ACSL6: variants seen among roughly 807,000 people sequenced by gnomAD.
ACSL6 encodes the protein acyl-CoA synthetase long chain family member 6, also known as long-chain-fatty-acid--CoA ligase 6.
A neutral mutation model predicts 98.2 loss-of-function variants in ACSL6; 47 were observed. That is an observed-to-expected ratio of 0.48 (90% CI 0.38 to 0.61). The LOEUF (loss-of-function observed/expected upper bound fraction) is 0.61, where lower values mean the gene tolerates loss of function less well. ACSL6 is among the 20% of genes least tolerant of loss of function. The probability of loss-of-function intolerance (pLI) is 0.00; values close to 1 mark genes in which losing one functional copy is unlikely to be tolerated. For missense variants in ACSL6, 761 were observed against 913.4 expected, an observed-to-expected ratio of 0.83 and a Z score of 2.15; for synonymous variants, 362 against 336.9, an observed-to-expected ratio of 1.07 and a Z score of -0.82.
intron 20 of ACSL6, 57 bp downstream of exon 20, chr5:131,959,474 GTTAAT>G: frequency 6.5e-7 from 1 of 1,549,932 alleles, no homozygotes; most frequent in Non-Finnish European, 8.9e-7. Context: ...GTCACCATGG[GTTAAT>G]TTAATTTTCA....
At position 131,990,157 on chromosome 5, in the gene ACSL6, C is replaced by A. The variant is rs757598473; in HGVS notation, c.393G>T (p.Gly131=). 1 of 1,613,958 alleles carries A rather than the reference C, an allele frequency of 6.2e-7. No homozygotes were observed. Among genetic ancestry groups the A allele is most frequent in the Non-Finnish European group, 8.5e-7 (1 of 1,179,928 alleles). ...TAGGCTTCCTGAAACCAAGACAGGG[C>A]CCATTCCCTGTAGAGAGATAAGAAA... ...FRRGLSISGN[G]PCLGFRKPKQ... The change falls in exon 4 of 21, where the codon GGG becomes GGT. Residue 131 remains glycine, a synonymous_variant. Coordinates refer to ENST00000651883, the MANE Select transcript of ACSL6 (RefSeq NM_001009185.3).
At chr5:131,974,683 A>T in intron 11 of ACSL6, 1 of 1,519,010 alleles carries the variant, frequency 6.6e-7, no homozygotes. Context: ...ACTTCATGCC[A>T]CCAGTGACAA....
In ACSL6 at chr5:131,969,669, T is replaced by C. The variant is rs151109953; in HGVS notation, c.1507+459A>G. ...CAGGCTATGAATTGGACCTGACGTG[T>C]AAAGGAGAGGCAGGTTCATAGGGGC... On this transcript the variant is annotated intron_variant, in intron 15 of 20. Transcript: ENST00000651883. Among the ~76,000 whole-genome samples the C allele has an allele frequency of 1.4e-3, 217 of 152,304 alleles. 1 individual carries two copies. Among genetic ancestry groups the C allele is most frequent in the African/African-American group, 5.1e-3 (210 of 41,556 alleles).
intron 17 of ACSL6, 134 bp from the exon 18 acceptor site, chr5:131,962,812 T>G: frequency 9.6e-7 from 1 of 1,039,672 alleles, no homozygotes; most frequent in South Asian, 1.6e-5. Flanking sequence ...CTGTTGTGTC[T>G]GCTCTTAGGG....
At chr5:131,993,759 A>G (rs1331934191) in intron 2 of ACSL6, 7 of 460,922 alleles carry the variant, frequency 1.5e-5, no homozygotes, top group Non-Finnish European at 2.8e-5. Flanking sequence ...CCAATGAGCC[A>G]AGGCCCTCCT....
At position 131,986,834 on chromosome 5, in the gene ACSL6, G is replaced by A; in HGVS notation, c.852C>T (p.His284=). The change falls in exon 8 of 21, where the codon CAC becomes CAT. Residue 284 remains histidine (H), a synonymous_variant. Transcript: ENST00000651883. ...TGAATTCGCTTACCACAGGAGCCTG[G>A]TGATTCTCTTGGCCACAGTCCTGAA... The part of the protein sequence containing the change: ...QAVEDCGQEN[H]QAPVPPQPDD... 1 of 1,614,154 alleles carries A rather than the reference G, an allele frequency of 6.2e-7. No individual in the cohort carries two copies. Among genetic ancestry groups the A allele is most frequent in the Non-Finnish European group, 8.5e-7 (1 of 1,180,024 alleles).
At position 131,994,361 on chromosome 5, in the gene ACSL6, C is replaced by G. The variant is rs253944; in HGVS notation, c.50-110G>C. 0.74 allele frequency: 710,697 copies of G among 958,800 alleles called. 273,891 individuals carry two copies. The highest frequency in any genetic ancestry group is 0.81 in the Non-Finnish European group (515,220 of 638,596). The allele number at this position is 958,800 out of a possible 1,614,324, so 59.4% of individuals were successfully genotyped here. On this transcript the variant is annotated intron_variant, in intron 1 of 20. Coordinates refer to ENST00000651883, the MANE Select transcript of ACSL6 (RefSeq NM_001009185.3). ...TCTGAAACACTGTAGGGCAGGCCCTCGGGGAGTTGGGATGTACAGAGTGCA... is the reference window on the plus strand; with the variant it reads ...TCTGAAACACTGTAGGGCAGGCCCTGGGGGAGTTGGGATGTACAGAGTGCA...
chr5:131,971,033 T>C (rs1238738737), intron 14 of ACSL6, among the ~76,000 whole-genome samples: 1 of 152,190 alleles, frequency 6.6e-6, no homozygotes, highest in African/African-American at 2.4e-5. Context: ...CTACTTTACT[T>C]CAAATCCATC....
intron 20 of ACSL6, among the ~76,000 whole-genome samples, chr5:131,955,931 C>T (rs970603549): frequency 1.3e-5 from 2 of 152,192 alleles, no homozygotes; most frequent in Admixed American, 1.3e-4. Flanking sequence ...TGTAGAAGCA[C>T]TATCACATGA....
intron 9 of ACSL6, among the ~76,000 whole-genome samples, chr5:131,977,778 G>A (rs1171936582): frequency 6.6e-6 from 1 of 152,206 alleles, no homozygotes; most frequent in African/African-American, 2.4e-5. Context: ...GAGAGACTAA[G>A]AGAGTGTTGT....
At chr5:131,997,705 T>G (rs1580691983) in intron 1 of ACSL6, among the ~76,000 whole-genome samples, 1 of 152,214 alleles carries the variant, frequency 6.6e-6, no homozygotes, top group East Asian at 1.9e-4. Flanking sequence ...GCAAAGGGCT[T>G]GGCTGCCCAC....
At chr5:131,970,795 T>A (rs1415312804) in intron 14 of ACSL6, among the ~76,000 whole-genome samples, 1 of 152,196 alleles carries the variant, frequency 6.6e-6, no homozygotes, top group Non-Finnish European at 1.5e-5. Flanking sequence ...TTCATCTGGA[T>A]AATAATGAAT....
intron 17 of ACSL6, among the ~76,000 whole-genome samples, 180 bp from the exon 18 acceptor site, chr5:131,962,858 G>A (rs1332622889): frequency 1.3e-5 from 2 of 151,488 alleles, no homozygotes; most frequent in East Asian, 2.0e-4. Context: ...ACTGTACACC[G>A]CAGGTTGATG....
At position 131,995,496 on chromosome 5, in the gene ACSL6, C is replaced by A. The variant is rs530238367; in HGVS notation, c.50-1245G>T. 7.9e-5 allele frequency among the ~76,000 whole-genome samples: 12 copies of A among 152,270 alleles called. No individual in the cohort carries two copies. The South Asian group carries it at 2.5e-3, about 32-fold the overall frequency. ...GTGGGCTCAAGGCTGCCCTGTACCACCCCGAGGCACCCTCCTCACAGGCCC... is the reference window on the plus strand; with the variant it reads ...GTGGGCTCAAGGCTGCCCTGTACCAACCCGAGGCACCCTCCTCACAGGCCC... On this transcript the variant is annotated intron_variant, in intron 1 of 20. Transcript: ENST00000651883.
intron 3 of ACSL6, 65 bp downstream of exon 3, chr5:131,990,788 A>G (rs1362045227): frequency 2.7e-6 from 4 of 1,475,982 alleles, no homozygotes; most frequent in Non-Finnish European, 3.8e-6. Context: ...TTGCATACCC[A>G]CCCTTGCACC....
intron 1 of ACSL6, among the ~76,000 whole-genome samples, chr5:131,995,953 G>A (rs1323088031): frequency 6.6e-6 from 1 of 152,200 alleles, no homozygotes; most frequent in African/African-American, 2.4e-5. Context: ...CTCAGCCCAG[G>A]ACACATGAAA....
intron 10 of ACSL6, chr5:131,975,790 G>C (rs1753581928): frequency 1.0e-6 from 1 of 985,378 alleles, no homozygotes; most frequent in South Asian, 4.7e-5. Context: ...GCTCTCCTCT[G>C]CTGGACTTCC....
chr5:131,964,001 A>G lies in ACSL6; in HGVS notation c.1714-1323T>C, dbSNP rs543582840. On this transcript the variant is annotated intron_variant, in intron 17 of 20. Coordinates refer to ENST00000651883, the MANE Select transcript of ACSL6 (RefSeq NM_001009185.3). The stretch of plus-strand genomic sequence containing the variant: ...ATTTGAATCCCGATCCTTCTGGACC[A>G]GAAGACTATGCTTATTCCTTGATCT... 1.6e-4 allele frequency among the ~76,000 whole-genome samples: 24 copies of G among 152,370 alleles called. No homozygotes were observed. The South Asian group carries it at 5.0e-3, about 32-fold the overall frequency.
chr5:131,989,366 C>T, intron 5 of ACSL6, 41 bp downstream of exon 5: 1 of 1,580,584 alleles, frequency 6.3e-7, no homozygotes, highest in Non-Finnish European at 8.7e-7. Flanking sequence ...CCAACCCCTA[C>T]CCCACGAATC....
Sources: allele counts gnomAD v4.1 joint callset (sites outside exome capture counted in the v4.1 genomes callset), GRCh38; gene constraint gnomAD v4.1.1; transcripts MANE v1.5; gene names NCBI Gene and HGNC (gene_info 2026-07-23, HGNC 2026-07-21).